The following MAMDC2 variants were observed in gnomAD, a reference collection of about 807,000 sequenced individuals.
MAMDC2 encodes MAM domain-containing protein 2.
MAMDC2 carries 57 observed loss-of-function variants against 89.8 expected under a neutral mutation model. That is an observed-to-expected ratio of 0.63 (90% CI 0.51 to 0.79). The LOEUF is 0.79. Ranked by LOEUF, MAMDC2 falls within the 30% of genes least tolerant of loss-of-function variation. The probability of loss-of-function intolerance (pLI) is 0.00; values close to 1 mark genes in which losing one functional copy is unlikely to be tolerated. For synonymous variants in MAMDC2, 313 were observed against 293.4 expected, an observed-to-expected ratio of 1.07 and a Z score of -0.68; for missense variants, 800 against 820.6, an observed-to-expected ratio of 0.97 and a Z score of 0.31.
At chr9:70,210,946 T>G (rs1344107405) in intron 11 of MAMDC2, among the ~76,000 whole-genome samples, 1 of 152,214 alleles carries the variant, frequency 6.6e-6, no homozygotes, top group Non-Finnish European at 1.5e-5. Context: ...TTAAGAATGT[T>G]GAATATTGGC....
chr9:70,114,663 A>T (rs996143832), intron 5 of MAMDC2, among the ~76,000 whole-genome samples: 3 of 152,184 alleles, frequency 2.0e-5, no homozygotes, highest in Admixed American at 1.3e-4. Flanking sequence ...CATTTTCATT[A>T]ATTTGACCCA....
rs201382483 is a variant in MAMDC2, at chr9:70,143,653, G to A, written c.1238G>A (p.Arg413His). 485 of 1,614,144 alleles carry A rather than the reference G, an allele frequency of 3.0e-4. 6 individuals carry two copies. The South Asian group carries it at 4.0e-3, about 13-fold the overall frequency. Reference sequence around the variant, plus strand: ...CCAGGAAACTTGCAGTATTGTCTGCGTTTTCATTATGCCATCTATGGATTT... The same window carrying A: ...CCAGGAAACTTGCAGTATTGTCTGCATTTTCATTATGCCATCTATGGATTT... ...SLPGNLQYCL[R>H]FHYAIYGFLK... is the part of the protein sequence containing the mutation. The change falls in exon 9 of 14, where the codon CGT becomes CAT. Residue 413 changes from arginine to histidine, a missense_variant. Physicochemically the swap from Arg to His is conservative, Grantham distance 29. Transcript: ENST00000377182.
chr9:70,217,747 A>G (rs1007270338), intron 11 of MAMDC2: 13 of 1,071,302 alleles, frequency 1.2e-5, no homozygotes, highest in Non-Finnish European at 1.8e-5. Context: ...ACTAAAAAAA[A>G]GTGTCACAAA....
chr9:70,209,757 C>T (rs1338804701), intron 11 of MAMDC2, among the ~76,000 whole-genome samples: 1 of 152,156 alleles, frequency 6.6e-6, no homozygotes, highest in Non-Finnish European at 1.5e-5. Flanking sequence ...TTCCTGCTTT[C>T]TCTTGTGGGC....
At chr9:70,179,448 C>A (rs2032584272) in intron 11 of MAMDC2, among the ~76,000 whole-genome samples, 1 of 151,056 alleles carries the variant, frequency 6.6e-6, no homozygotes, top group South Asian at 2.1e-4. Context: ...GGCGTGAACC[C>A]GGAAGGCGGA....
At chr9:70,084,452 G>A (rs936569175) in intron 2 of MAMDC2, among the ~76,000 whole-genome samples, 1 of 152,008 alleles carries the variant, frequency 6.6e-6, no homozygotes, top group African/African-American at 2.4e-5. Context: ...TGAACTCAGA[G>A]CTGGTTCCAC....
chr9:70,213,577 C>T (rs909435047), intron 11 of MAMDC2, among the ~76,000 whole-genome samples: 6 of 152,152 alleles, frequency 3.9e-5, no homozygotes, highest in Non-Finnish European at 5.9e-5. Context: ...GAATTAAACA[C>T]ACCCTTCTGT....
At chr9:70,079,288 GCA>G (rs1827603995) in intron 2 of MAMDC2, 1 of 152,084 alleles carries the variant, frequency 6.6e-6, no homozygotes, top group African/African-American at 2.4e-5. Context: ...AATCTCACTG[GCA>G]CAGACTGTTG....
intron 12 of MAMDC2, among the ~76,000 whole-genome samples, chr9:70,219,964 C>A (rs1018046670): frequency 5.3e-5 from 8 of 152,152 alleles, no homozygotes; most frequent in African/African-American, 1.9e-4. Flanking sequence ...ACTTAAAATG[C>A]AAATTCTCAG....
chr9:70,127,682 C>T (rs1052339107), intron 6 of MAMDC2, among the ~76,000 whole-genome samples: 3 of 150,986 alleles, frequency 2.0e-5, no homozygotes, highest in African/African-American at 7.3e-5. Flanking sequence ...ACCTCCCTAC[C>T]TCCCCCCACA....
intron 11 of MAMDC2, among the ~76,000 whole-genome samples, chr9:70,199,995 G>T (rs1220700820): frequency 6.6e-6 from 1 of 152,098 alleles, no homozygotes; most frequent in Non-Finnish European, 1.5e-5. Context: ...CTCCCATTTT[G>T]TAGGTTGCCT....
chr9:70,124,340 A>C (rs2030430025), intron 5 of MAMDC2, among the ~76,000 whole-genome samples: 2 of 152,186 alleles, frequency 1.3e-5, no homozygotes, highest in Non-Finnish European at 2.9e-5. Flanking sequence ...CTTCACTCAT[A>C]CACTTAATCT....
chr9:70,045,475 C>T (rs1204318651), intron 2 of MAMDC2, among the ~76,000 whole-genome samples: 1 of 152,096 alleles, frequency 6.6e-6, no homozygotes, highest in Non-Finnish European at 1.5e-5. Flanking sequence ...TCTTTTGTCA[C>T]CACCAGTGAA....
intron 9 of MAMDC2, among the ~76,000 whole-genome samples, chr9:70,150,980 C>T (rs1005036192): frequency 6.6e-6 from 1 of 152,216 alleles, no homozygotes; most frequent in Admixed American, 6.5e-5. Context: ...TGAGGTCCTG[C>T]ACAGTTGGAT....
In MAMDC2 at chr9:70,212,569, C is replaced by T. The variant is rs73452711; in HGVS notation, c.1652-5768C>T. ...GGAAAGGGAATTCTGCGACCCCTTG[C>T]GCTTTCCGGGTGAGGTGATGCCCCA... On this transcript the variant is annotated intron_variant, in intron 11 of 13. Coordinates refer to ENST00000377182, the MANE Select transcript of MAMDC2 (RefSeq NM_153267.5). 4.3e-3 allele frequency among the ~76,000 whole-genome samples: 651 copies of T among 152,310 alleles called. 5 individuals carry two copies. Among genetic ancestry groups the T allele is most frequent in the African/African-American group, 0.013 (559 of 41,552 alleles).
chr9:70,188,922 T>G lies in MAMDC2; in HGVS notation c.1651+18291T>G, dbSNP rs543821260. ...CCTGGCCCTCAATTAATAACTTGAC[T>G]TAAGATAATCTAGTTCATATTAACT... is the stretch of plus-strand genomic sequence containing the variant. On this transcript the variant is annotated intron_variant, in intron 11 of 13. Transcript: ENST00000377182. Among the ~76,000 whole-genome samples the G allele has an allele frequency of 1.4e-3, 208 of 152,126 alleles. 1 individual carries two copies. The highest frequency in any genetic ancestry group is 4.8e-3 in the African/African-American group (200 of 41,524).
At chr9:70,129,598 A>G (rs2030706417) in intron 6 of MAMDC2, among the ~76,000 whole-genome samples, 1 of 152,142 alleles carries the variant, frequency 6.6e-6, no homozygotes, top group Non-Finnish European at 1.5e-5. Flanking sequence ...TAGAGGTCAA[A>G]TCTAGTCCAC....
intron 9 of MAMDC2, among the ~76,000 whole-genome samples, chr9:70,150,937 T>G (rs1191186800): frequency 6.6e-6 from 1 of 152,212 alleles, no homozygotes; most frequent in African/African-American, 2.4e-5. Flanking sequence ...TCTATGGCCT[T>G]CAGAATAAAG....
At chr9:70,217,379 G>C in intron 11 of MAMDC2, 1 of 1,335,968 alleles carries the variant, frequency 7.5e-7, no homozygotes, top group African/African-American at 1.4e-5. Context: ...CACAAAAAGG[G>C]AGAGTCGGAA....
Sources: allele counts gnomAD v4.1 joint callset (sites outside exome capture counted in the v4.1 genomes callset), GRCh38; gene constraint gnomAD v4.1.1; transcripts MANE v1.5; gene names NCBI Gene and HGNC (gene_info 2026-07-23, HGNC 2026-07-21).